Variants in MEGF6 observed in about 807,000 individuals in gnomAD.
MEGF6 encodes multiple EGF like domains 6.
MEGF6 carries 184 observed loss-of-function variants against 207.1 expected under a neutral mutation model. The observed-to-expected ratio is 0.89, with a 90% CI of 0.79 to 1.00. MEGF6 has a LOEUF of 1.00. Ranked by LOEUF, MEGF6 falls within the 50% of genes least tolerant of loss-of-function variation. MEGF6 has a pLI of 0.00. For synonymous variants in MEGF6, 1,038 were observed against 910.0 expected, an observed-to-expected ratio of 1.14 and a Z score of -2.53; for missense variants, 2,282 against 2,202.9, an observed-to-expected ratio of 1.04 and a Z score of -0.72.
intron 5 of MEGF6, among the ~76,000 whole-genome samples, chr1:3,515,740 C>T (rs1022483893): frequency 1.3e-5 from 2 of 152,264 alleles, no homozygotes; most frequent in African/African-American, 2.4e-5. Context: ...CTGCTGCCTA[C>T]AGGATCCTCA....
intron 14 of MEGF6, among the ~76,000 whole-genome samples, chr1:3,506,658 A>G (rs1056290508): frequency 6.6e-6 from 1 of 152,178 alleles, no homozygotes; most frequent in African/African-American, 2.4e-5. Flanking sequence ...AGAGCTAGAA[A>G]GGTCCTCGCC....
At chr1:3,597,173 T>C (rs3001105) in intron 2 of MEGF6, among the ~76,000 whole-genome samples, 21,904 of 152,214 alleles carry the variant, frequency 0.14, 1,850 homozygotes, top group Admixed American at 0.23. Context: ...ATCAGGGGAA[T>C]GAGGCCTTGG....
intron 5 of MEGF6, among the ~76,000 whole-genome samples, chr1:3,520,261 C>T (rs532211428): frequency 1.3e-5 from 2 of 152,226 alleles, no homozygotes; most frequent in South Asian, 2.1e-4. Context: ...CGGGGTCATG[C>T]GCGGGCATCA....
In MEGF6 at chr1:3,498,716, C is replaced by T. The variant is rs771830741; in HGVS notation, c.3205G>A (p.Gly1069Ser). Residue 1069 changes from glycine to serine, a missense_variant, in exon 25 of 37, where the codon GGC becomes AGC. Transcript: ENST00000356575. ...GHCACPEGWA[G>S]LACEKECLPR... is the part of the protein sequence containing the mutation. ...CGCTCACCCTTCTCACAGGCCAGGC[C>T]GGCCCAGCCCTCTGGGCACGCACAG... 12 of 1,568,448 alleles carry T rather than the reference C, an allele frequency of 7.7e-6. 1 individual carries two copies. Among genetic ancestry groups the T allele is most frequent in the Admixed American group, 7.3e-5 (4 of 55,014 alleles).
Position 3,523,314 on chromosome 1 carries a change from C to T in MEGF6, c.604+810G>A, listed in dbSNP as rs571201895. On this transcript the variant is annotated intron_variant, in intron 5 of 36. Transcript: ENST00000356575. ...CAGAGCCAGCCAGGAGCAGGGGTGCCGAAGGGTGAGGGTGGCTGACTGGCT... is the reference window on the plus strand; with the variant it reads ...CAGAGCCAGCCAGGAGCAGGGGTGCTGAAGGGTGAGGGTGGCTGACTGGCT... 7.6e-4 allele frequency among the ~76,000 whole-genome samples: 116 copies of T among 152,144 alleles called. 2 individuals carry two copies. Among genetic ancestry groups the T allele is most frequent in the Admixed American group, 5.2e-4 (8 of 15,286 alleles).
intron 4 of MEGF6, among the ~76,000 whole-genome samples, chr1:3,558,606 T>G (rs1357506952): frequency 6.6e-6 from 1 of 152,232 alleles, no homozygotes; most frequent in Non-Finnish European, 1.5e-5. Flanking sequence ...GGGATCAGCT[T>G]AGGTTGTGCG....
At position 3,499,695 on chromosome 1, in the gene MEGF6, C is replaced by G. The variant is rs761813946; in HGVS notation, c.2858G>C (p.Gly953Ala). The G allele has an allele frequency of 2.5e-6, 4 of 1,603,578 alleles. No individual in the cohort carries two copies. Among genetic ancestry groups the G allele is most frequent in the East Asian group, 2.2e-5 (1 of 44,514 alleles). The stretch of plus-strand genomic sequence containing the variant: ...GTTGCAGGCACTGCGACAGTCCAAT[C>G]CAAAGAAGCCGGCCGGGCAGGCTGC... ...CEHACPAGFF[G>A]LDCRSACNCT... Residue 953 changes from glycine to alanine, a missense_variant, in exon 23 of 37, where the codon GGA becomes GCA. Gly to Ala is a moderately conservative substitution (Grantham distance 60, BLOSUM62 0). Coordinates refer to ENST00000356575, the MANE Select transcript of MEGF6 (RefSeq NM_001409.4).
chr1:3,619,487 C>T, the MEGF6 span, among the ~76,000 whole-genome samples: 18,789 of 152,206 alleles, frequency 0.12, 1,972 homozygotes, highest in African/African-American at 0.28. Flanking sequence ...TTGTAATCCC[C>T]CACGTGTCGA....
intron 4 of MEGF6, among the ~76,000 whole-genome samples, chr1:3,571,070 C>T (rs1236905474): frequency 6.6e-6 from 1 of 152,184 alleles, no homozygotes; most frequent in Non-Finnish European, 1.5e-5. Context: ...TAACTGTGAG[C>T]ACAGACAGCC....
At chr1:3,544,232 C>A in intron 4 of MEGF6, among the ~76,000 whole-genome samples, 1 of 150,862 alleles carries the variant, frequency 6.6e-6, no homozygotes, top group East Asian at 1.9e-4. Context: ...CTAACCCTCT[C>A]CCCCCAGCAT....
At chr1:3,499,009 G>A in intron 24 of MEGF6, 129 bp downstream of exon 24, 1 of 1,430,726 alleles carries the variant, frequency 7.0e-7, no homozygotes, top group Non-Finnish European at 9.4e-7. Flanking sequence ...CAGGTGAAAG[G>A]CACGGTCCTC....
chr1:3,569,848 G>A (rs907128579), intron 4 of MEGF6, among the ~76,000 whole-genome samples: 6 of 152,228 alleles, frequency 3.9e-5, no homozygotes, highest in African/African-American at 1.2e-4. Context: ...GTCTCCTGCT[G>A]TAATTATGTC....
chr1:3,524,356 AG>A, intron 4 of MEGF6, 110 bp from the exon 5 acceptor site: 1 of 1,417,202 alleles, frequency 7.1e-7, no homozygotes, highest in Non-Finnish European at 9.7e-7. Context: ...CCGTGCCTCG[AG>A]GGCACCACCC....
chr1:3,499,307 G>A (rs762342042), intron 23 of MEGF6, 41 bp from the exon 24 acceptor site: 4 of 1,568,556 alleles, frequency 2.6e-6, no homozygotes, highest in South Asian at 2.3e-5. Flanking sequence ...GGGTGGGCAG[G>A]ACCCCAGGGG....
chr1:3,575,828 G>A lies in MEGF6; in HGVS notation c.481+3997C>T, dbSNP rs185392546. On this transcript the variant is annotated intron_variant, in intron 4 of 36. Transcript: ENST00000356575. ...TATGGGACATACAAGATGAGATTTC[G>A]GTAGGGACACAGCCAAACCATATCA... Among the ~76,000 whole-genome samples, 317 of 152,216 alleles carry A rather than the reference G, an allele frequency of 2.1e-3. 1 individual carries two copies. Among genetic ancestry groups the A allele is most frequent in the African/African-American group, 6.8e-3 (283 of 41,534 alleles).
At chr1:3,563,302 G>A (rs1457109026) in intron 4 of MEGF6, among the ~76,000 whole-genome samples, 4 of 152,212 alleles carry the variant, frequency 2.6e-5, no homozygotes, top group Admixed American at 2.0e-4. Flanking sequence ...CAGGCCCAGA[G>A]TCAAGCCCCA....
rs566311087 is a variant in MEGF6, at chr1:3,523,866, T to C, written c.604+258A>G. ...GGGGCCTCAGCATCACAGCGGGGCT[T>C]AGTGTGGCTGCAGAGGGTCTGCAGC... is the stretch of plus-strand genomic sequence containing the variant. On this transcript the variant is annotated intron_variant, in intron 5 of 36. Transcript: ENST00000356575. 1.2e-3 allele frequency among the ~76,000 whole-genome samples: 186 copies of C among 152,276 alleles called. 2 individuals are homozygous for C. Among genetic ancestry groups the C allele is most frequent in the Admixed American group, 2.5e-3 (38 of 15,304 alleles).
At chr1:3,522,481 C>T (rs1156479061) in intron 5 of MEGF6, among the ~76,000 whole-genome samples, 2 of 152,122 alleles carry the variant, frequency 1.3e-5, no homozygotes, top group Non-Finnish European at 2.9e-5. Flanking sequence ...TGGGCGAGCA[C>T]CGCAGATTAA....
At chr1:3,557,668 C>T (rs956952224) in intron 4 of MEGF6, among the ~76,000 whole-genome samples, 15 of 152,212 alleles carry the variant, frequency 9.9e-5, no homozygotes, top group Middle Eastern at 3.2e-3. Flanking sequence ...CCACAGCCAG[C>T]GCTGCGGAGC....
Sources: allele counts gnomAD v4.1 joint callset (sites outside exome capture counted in the v4.1 genomes callset), GRCh38; gene constraint gnomAD v4.1.1; transcripts MANE v1.5; gene names NCBI Gene and HGNC (gene_info 2026-07-23, HGNC 2026-07-21).